The following LRRTM3 variants were observed in gnomAD, a reference collection of about 807,000 sequenced individuals.
The protein encoded by LRRTM3 is leucine-rich repeat transmembrane neuronal protein 3.
A neutral mutation model predicts 44.7 loss-of-function variants in LRRTM3; 24 were observed. The ratio of observed to expected loss-of-function variants is 0.54; its 90% CI spans 0.39 to 0.76. The LOEUF is 0.76. Ranked by LOEUF, LRRTM3 falls within the 30% of genes least tolerant of loss-of-function variation. The pLI is 0.00. For missense variants in LRRTM3, 587 were observed against 702.2 expected, an observed-to-expected ratio of 0.84 and a Z score of 1.85; for synonymous variants, 277 against 278.7, an observed-to-expected ratio of 0.99 and a Z score of 0.06.
chr10:67,025,126 T>G (rs1256328164), intron 2 of LRRTM3, among the ~76,000 whole-genome samples: 1 of 53,816 alleles, frequency 1.9e-5, no homozygotes, highest in Non-Finnish European at 3.8e-5. Flanking sequence ...AGCAAAACTC[T>G]GTCAAAAACA....
chr10:67,015,662 A>G (rs1000078165), intron 2 of LRRTM3, among the ~76,000 whole-genome samples: 3 of 152,160 alleles, frequency 2.0e-5, no homozygotes, highest in Admixed American at 1.3e-4. Flanking sequence ...TTGTCCTAGA[A>G]CAGAGTATGA....
At chr10:67,032,781 TA>T (rs566209884) in intron 2 of LRRTM3, among the ~76,000 whole-genome samples, 87 of 152,334 alleles carry the variant, frequency 5.7e-4, no homozygotes, top group African/African-American at 2.0e-3. Context: ...TTCCTTTTTT[TA>T]TGTGTTCTCA....
chr10:67,076,158 T>G (rs1054736941), intron 2 of LRRTM3, among the ~76,000 whole-genome samples: 1 of 152,196 alleles, frequency 6.6e-6, no homozygotes, highest in African/African-American at 2.4e-5. Context: ...AGTGAATAAT[T>G]TCAGAAGATT....
In LRRTM3 at chr10:66,927,232, A is replaced by C. The variant is rs756668374; in HGVS notation, c.316A>C (p.Asn106His). 6.2e-7 allele frequency: 1 copy of C among 1,614,178 alleles called. No homozygotes were observed. Among genetic ancestry groups the C allele is most frequent in the Non-Finnish European group, 8.5e-7 (1 of 1,180,050 alleles). Residue 106 changes from asparagine (N) to histidine (H), a missense_variant, in exon 2 of 3, where the codon AAT becomes CAT. Transcript: ENST00000361320. The surrounding 1 kb of genome is among the most constrained non-coding windows in gnomAD (Gnocchi z 4.7). ...CAGCAATATTGACGAAAATGCTTTTAATGGAATACGCAGACTCAAAGAGCT... is the reference window on the plus strand; with the variant it reads ...CAGCAATATTGACGAAAATGCTTTTCATGGAATACGCAGACTCAAAGAGCT... ...HISNIDENAFNGIRRLKELIL... is the reference protein window; with the variant it reads ...HISNIDENAFHGIRRLKELIL...
chr10:67,071,978 C>A (rs1589696206), intron 2 of LRRTM3, among the ~76,000 whole-genome samples: 1 of 152,146 alleles, frequency 6.6e-6, no homozygotes, highest in East Asian at 1.9e-4. Flanking sequence ...TTTTGAGACA[C>A]AGTCTCATTC....
intron 2 of LRRTM3, among the ~76,000 whole-genome samples, chr10:67,026,512 A>G (rs1263677514): frequency 6.6e-6 from 1 of 152,166 alleles, no homozygotes; most frequent in East Asian, 1.9e-4. Context: ...GAAAAGTTTT[A>G]AATCTTCATA....
intron 2 of LRRTM3, among the ~76,000 whole-genome samples, chr10:66,965,529 G>A (rs1259852646): frequency 6.3e-5 from 9 of 143,830 alleles, no homozygotes; most frequent in African/African-American, 2.3e-4. Context: ...GCAAGACTCC[G>A]TCTCAAAAAA....
In LRRTM3 at chr10:67,097,902, A is replaced by C. The variant is rs1858108684; in HGVS notation, c.*106A>C. 2 of 949,044 alleles carry C rather than the reference A, an allele frequency of 2.1e-6. No homozygotes were observed. The highest frequency in any genetic ancestry group is 2.4e-5 in the Admixed American group (1 of 41,498). 58.8% of individuals were successfully genotyped at this position (949,044 alleles called of 1,614,324 possible). The stretch of plus-strand genomic sequence containing the variant: ...CTCTAAAAACAAAACAAAACACAAA[A>C]TCCCCTGTTCAAATAAACAAAAAAT... On this transcript the variant is annotated 3_prime_UTR_variant, in exon 3 of 3. Coordinates refer to ENST00000361320, the MANE Select transcript of LRRTM3 (RefSeq NM_178011.5).
intron 2 of LRRTM3, among the ~76,000 whole-genome samples, chr10:67,033,064 T>C (rs2133116286): frequency 6.6e-6 from 1 of 152,330 alleles, no homozygotes; most frequent in South Asian, 2.1e-4. Flanking sequence ...CAGCTATTTT[T>C]TTCCAGGAGG....
chr10:67,047,781 C>A (rs1340928993), intron 2 of LRRTM3, among the ~76,000 whole-genome samples: 1 of 152,048 alleles, frequency 6.6e-6, no homozygotes, highest in Non-Finnish European at 1.5e-5. Context: ...TAACAGGTGG[C>A]TTTCCCCTTA....
intron 2 of LRRTM3, among the ~76,000 whole-genome samples, chr10:67,030,859 C>G (rs1853677167): frequency 6.6e-6 from 1 of 151,992 alleles, no homozygotes; most frequent in Non-Finnish European, 1.5e-5. Context: ...CAAAAATTAG[C>G]CAGGTGTGGT....
At chr10:67,038,181 G>A (rs116068227) in intron 2 of LRRTM3, among the ~76,000 whole-genome samples, 1,839 of 152,050 alleles carry the variant, frequency 0.012, 47 homozygotes, top group African/African-American at 0.042. Flanking sequence ...AAATTCAGTT[G>A]GATAATCCTC....
chr10:66,929,547 C>T (rs978545123), intron 2 of LRRTM3, among the ~76,000 whole-genome samples: 1 of 152,184 alleles, frequency 6.6e-6, no homozygotes. Flanking sequence ...CAAGACGTGC[C>T]TTCCACCCAC....
intron 2 of LRRTM3, among the ~76,000 whole-genome samples, chr10:67,066,132 C>G (rs1267056625): frequency 6.6e-6 from 1 of 150,852 alleles, no homozygotes; most frequent in African/African-American, 2.4e-5. Flanking sequence ...ATCTAACTTT[C>G]TCAATACCAT....
chr10:67,037,295 T>C (rs1332841735), intron 2 of LRRTM3, among the ~76,000 whole-genome samples: 3 of 152,024 alleles, frequency 2.0e-5, no homozygotes, highest in Non-Finnish European at 4.4e-5. Context: ...ATCCTTTCTC[T>C]TCTTTCATGT....
intron 2 of LRRTM3, among the ~76,000 whole-genome samples, chr10:66,964,477 T>C (rs986195244): frequency 3.9e-5 from 6 of 152,176 alleles, no homozygotes; most frequent in Non-Finnish European, 7.3e-5. Context: ...ATGATAACAA[T>C]TGTAAATATT....
intron 2 of LRRTM3, among the ~76,000 whole-genome samples, chr10:66,930,093 GAGGAAAAATCT>G (rs1253892372): frequency 2.0e-5 from 3 of 151,990 alleles, no homozygotes; most frequent in Non-Finnish European, 4.4e-5. Flanking sequence ...CATATGCTGA[GAGGAAAAATCT>G]AGGCAAGTCA....
At chr10:66,967,335 T>C (rs1849481421) in intron 2 of LRRTM3, among the ~76,000 whole-genome samples, 1 of 140,064 alleles carries the variant, frequency 7.1e-6, no homozygotes, top group Non-Finnish European at 1.6e-5. Context: ...GATATAGACA[T>C]ATATATATAT....
chr10:67,049,731 C>G (rs1207817928), intron 2 of LRRTM3, among the ~76,000 whole-genome samples: 21 of 152,128 alleles, frequency 1.4e-4, no homozygotes, highest in Admixed American at 1.4e-3. Flanking sequence ...CCTATTCGGC[C>G]TCAGTCTATA....
Sources: gnomAD v4.1 joint callset for allele counts (sites outside exome capture counted in the v4.1 genomes callset) on GRCh38, gnomAD v4.1.1 for gene constraint, Gnocchi (gnomAD v3.1) non-coding constraint, MANE v1.5 for transcripts, NCBI Gene and HGNC (gene_info 2026-07-23, HGNC 2026-07-21) for gene names.